SNRPN: variants seen among roughly 807,000 people sequenced by gnomAD.
The protein encoded by SNRPN is small nuclear ribonucleoprotein polypeptide N.
Under a neutral mutation model 25.2 loss-of-function variants are expected in SNRPN, and 7 were observed. The observed-to-expected ratio is 0.28, with a 90% CI of 0.16 to 0.52. The LOEUF (loss-of-function observed/expected upper bound fraction) is 0.52, where lower values mean the gene tolerates loss of function less well. SNRPN is among the 20% of genes least tolerant of loss of function. SNRPN has a pLI of 0.96. For synonymous variants in SNRPN, 124 were observed against 110.6 expected (o/e 1.12, Z -0.76); for missense variants, 196 against 322.5 (o/e 0.61, Z 3.00).
chr15:24,877,720 C>T (rs12594067), intron 1 of SNRPN, among the ~76,000 whole-genome samples: 79,970 of 151,446 alleles, frequency 0.53, 21,748 homozygotes, highest in East Asian at 0.82. Context: ...GGCGCAGTGG[C>T]GCGCGCCTGT....
chr15:24,965,209 T>G (rs182874488), intron 2 of SNRPN, among the ~76,000 whole-genome samples: 1 of 152,296 alleles, frequency 6.6e-6, no homozygotes, highest in East Asian at 1.9e-4. Flanking sequence ...GGAGGCAGTC[T>G]TCCTGGAGGA....
chr15:24,903,401 C>CCT (rs1190935780), intron 2 of SNRPN, among the ~76,000 whole-genome samples: 9 of 152,096 alleles, frequency 5.9e-5, no homozygotes, highest in Non-Finnish European at 4.4e-5. Flanking sequence ...CAGGCAAAAG[C>CCT]GTAGAGGGTT....
At chr15:24,832,965 C>A (rs148568871) in intron 2 of SNRPN, among the ~76,000 whole-genome samples, 5 of 151,526 alleles carry the variant, frequency 3.3e-5, no homozygotes, top group African/African-American at 1.2e-4. Flanking sequence ...ATTAGCCAGG[C>A]GTGGTGGCAG....
At chr15:24,829,994 T>G (rs543068673) in intron 2 of SNRPN, 2 of 152,218 alleles carry the variant, frequency 1.3e-5, no homozygotes, top group South Asian at 4.2e-4. Context: ...GCAGTGGGTG[T>G]TGATGAAATT....
intron 3 of SNRPN, among the ~76,000 whole-genome samples, chr15:24,939,932 G>C (rs1434236112): frequency 6.6e-6 from 1 of 151,998 alleles, no homozygotes; most frequent in Non-Finnish European, 1.5e-5. Flanking sequence ...TGGGATTACA[G>C]ACGTGTACCA....
chr15:24,953,076 G>A (rs1566946050), upstream of SNRPN, among the ~76,000 whole-genome samples: 1 of 152,156 alleles, frequency 6.6e-6, no homozygotes, highest in Non-Finnish European at 1.5e-5. Flanking sequence ...GTTCTAAATA[G>A]TATTTTAGCT....
intron 2 of SNRPN, 68 bp from the exon 3 acceptor site, chr15:24,967,864 C>G: frequency 3.0e-5 from 31 of 1,034,030 alleles, no homozygotes; most frequent in South Asian, 3.8e-5. Context: ...ACCTAGTTTT[C>G]TTTCATATGG....
intron 2 of SNRPN, among the ~76,000 whole-genome samples, chr15:24,834,751 C>CTCTCTCTCTCTATATATATATATGTA: frequency 3.3e-5 from 2 of 60,954 alleles, no homozygotes; most frequent in African/African-American, 1.2e-4. Context: ...CTCTCTCTCT[C>CTCTCTCTCTCTATATATATATATGTA]TATATATATA....
intron 3 of SNRPN, among the ~76,000 whole-genome samples, chr15:24,945,704 A>G (rs2061842277): frequency 6.6e-6 from 1 of 152,224 alleles, no homozygotes; most frequent in African/African-American, 2.4e-5. Flanking sequence ...CAGTTGGTGC[A>G]TTCTCAAGAG....
intron 3 of SNRPN, among the ~76,000 whole-genome samples, chr15:24,920,856 C>G (rs1044285561): frequency 2.0e-5 from 3 of 152,174 alleles, no homozygotes; most frequent in Admixed American, 6.5e-5. Flanking sequence ...AGCAGTGAAG[C>G]GAAGCTCAGA....
Position 24,872,000 on chromosome 15 carries a change from C to A in SNRPN, c.-578-14516C>A, listed in dbSNP as rs181118585. Among the ~76,000 whole-genome samples, 3 of 119,748 alleles carry A rather than the reference C, an allele frequency of 2.5e-5. 1 individual carries two copies. Among genetic ancestry groups the A allele is most frequent in the Non-Finnish European group, 5.5e-5 (3 of 54,616 alleles). The allele number at this position is 119,748 out of a possible 152,430, so 78.6% of individuals were successfully genotyped here. ...GATTACAGGCGTAAGCCACCACGCC[C>A]GGCCTTTTGTCCTCTTTTTAGGGTT... On this transcript the variant is annotated intron_variant, in intron 1 of 11. Transcript: ENST00000400097.
At chr15:24,859,759 C>T (rs55687510) in intron 1 of SNRPN, among the ~76,000 whole-genome samples, 67,469 of 151,994 alleles carry the variant, frequency 0.44, 15,368 homozygotes, top group Non-Finnish European at 0.49. Flanking sequence ...TTCCCATTTT[C>T]ATGGTTATTT....
intron 2 of SNRPN, among the ~76,000 whole-genome samples, chr15:24,894,258 G>C (rs1169743346): frequency 6.7e-6 from 1 of 149,756 alleles, no homozygotes; most frequent in African/African-American, 2.5e-5. Flanking sequence ...TCGCTCTGTC[G>C]CCCAGGCTGG....
intron 1 of SNRPN, among the ~76,000 whole-genome samples, chr15:24,873,541 C>G (rs1012450680): frequency 1.6e-4 from 24 of 150,470 alleles, no homozygotes; most frequent in African/African-American, 4.6e-4. Flanking sequence ...TCCGCCTCCC[C>G]GGTTCACACC....
intron 2 of SNRPN, among the ~76,000 whole-genome samples, chr15:24,962,979 G>A (rs1415883502): frequency 1.4e-5 from 2 of 143,130 alleles, no homozygotes; most frequent in Non-Finnish European, 3.0e-5. Context: ...TAAAAAGTAA[G>A]TCTCATTTTA....
chr15:24,881,525 C>CAT (rs2056603134), intron 1 of SNRPN, among the ~76,000 whole-genome samples: 1 of 88,700 alleles, frequency 1.1e-5, no homozygotes, highest in Non-Finnish European at 2.1e-5. Context: ...GAGCGAAACT[C>CAT]CGAGAGAGAG....
Position 24,978,679 on chromosome 15 carries a change from A to G in SNRPN, c.*235A>G. 1.8e-6 allele frequency: 1 copy of G among 563,634 alleles called. No individual in the cohort carries two copies. The highest frequency in any genetic ancestry group is 3.1e-6 in the Non-Finnish European group (1 of 320,100). The allele number at this position is 563,634 out of a possible 1,614,324, so 34.9% of individuals were successfully genotyped here. On this transcript the variant is annotated 3_prime_UTR_variant, in exon 10 of 10. Coordinates refer to ENST00000390687, the MANE Select transcript of SNRPN (RefSeq NM_003097.6). ...GCCTATTAAGCAGTTGATTCAAATC[A>G]TATTCTCTTTAATTCTTAGGATAAA...
rs1290699922 is a variant in SNRPN, at chr15:24,976,264, C to A, written c.156-41C>A. On this transcript the variant is annotated intron_variant, in intron 5 of 9. Transcript: ENST00000390687. ...ATAAATATTTTGATGAGTGAGTGATCACTAAAATTTATCTCACTAAAATTT... is the reference window on the plus strand; with the variant it reads ...ATAAATATTTTGATGAGTGAGTGATAACTAAAATTTATCTCACTAAAATTT... 4.2e-6 allele frequency: 6 copies of A among 1,416,864 alleles called. No individual in the cohort carries two copies. In the South Asian group the frequency reaches 5.8e-5, roughly 14 times the overall value. The allele number at this position is 1,416,864 out of a possible 1,614,324, so 87.8% of individuals were successfully genotyped here.
chr15:24,836,558 C>T (rs1300646647), intron 2 of SNRPN, among the ~76,000 whole-genome samples: 1 of 151,796 alleles, frequency 6.6e-6, no homozygotes, highest in African/African-American at 2.4e-5. Flanking sequence ...ACTATAGGCG[C>T]CCACCACCAC....
Sources: allele counts gnomAD v4.1 joint callset (sites outside exome capture counted in the v4.1 genomes callset), GRCh38; gene constraint gnomAD v4.1.1; transcripts MANE v1.5; gene names NCBI Gene and HGNC (gene_info 2026-07-23, HGNC 2026-07-21).